PLEKHG1: variants seen among roughly 807,000 people sequenced by gnomAD.
The protein encoded by PLEKHG1 is pleckstrin homology and RhoGEF domain containing G1, also known as pleckstrin homology domain-containing family G member 1.
Under a neutral mutation model 100.8 loss-of-function variants are expected in PLEKHG1, and 44 were observed. The ratio of observed to expected loss-of-function variants is 0.44; its 90% CI spans 0.34 to 0.56. The LOEUF (loss-of-function observed/expected upper bound fraction) is 0.56, where lower values mean the gene tolerates loss of function less well. Ranked by LOEUF, PLEKHG1 falls within the 20% of genes least tolerant of loss-of-function variation. PLEKHG1 has a pLI of 0.01. For missense variants in PLEKHG1, 1,545 were observed against 1,720.9 expected (o/e 0.90, Z 1.81); for synonymous variants, 640 against 662.5 (o/e 0.97, Z 0.52).
At chr6:150,644,438 G>A (rs1480205034) in intron 2 of PLEKHG1, among the ~76,000 whole-genome samples, 1 of 148,318 alleles carries the variant, frequency 6.7e-6, no homozygotes, top group African/African-American at 2.5e-5. Context: ...GGGTTCAAGT[G>A]ATTTTCCTGC....
chr6:150,786,456 C>A, exon 4 of PLEKHG1: 1 of 1,606,770 alleles, frequency 6.2e-7, no homozygotes. Context: ...GTTTTGTGTC[C>A]AAGGTAAGCA....
intron 14 of PLEKHG1, chr6:150,828,348 C>CAA: frequency 1.2e-6 from 2 of 1,611,160 alleles, no homozygotes; most frequent in Non-Finnish European, 1.7e-6. Flanking sequence ...GGCGCTCTGT[C>CAA]CTCATGAAGA....
intron 10 of PLEKHG1, among the ~76,000 whole-genome samples, chr6:150,816,381 C>T (rs1349438446): frequency 1.9e-5 from 2 of 105,218 alleles, no homozygotes; most frequent in Non-Finnish European, 3.6e-5. Flanking sequence ...ATTCTGTTGC[C>T]TAGGCTGGAG....
chr6:150,647,342 T>C (rs547027773), intron 2 of PLEKHG1, among the ~76,000 whole-genome samples: 19 of 152,338 alleles, frequency 1.2e-4, no homozygotes, highest in African/African-American at 4.3e-4. Flanking sequence ...TGATCCACAG[T>C]TATTGTCAGG....
chr6:150,781,549 G>T (rs1785311972), intron 3 of PLEKHG1, among the ~76,000 whole-genome samples: 1 of 151,770 alleles, frequency 6.6e-6, no homozygotes. Context: ...ATTAGTTTCA[G>T]CCTCAAAGAG....
intron 3 of PLEKHG1, among the ~76,000 whole-genome samples, chr6:150,781,094 C>G (rs1010467664): frequency 6.6e-6 from 1 of 150,412 alleles, no homozygotes; most frequent in East Asian, 2.1e-4. Context: ...AGGCTGGTCT[C>G]GAACTCCTGA....
chr6:150,809,615 AGTT>A, intron 9 of PLEKHG1, 30 bp from the exon 11 acceptor site: 1 of 1,577,270 alleles, frequency 6.3e-7, no homozygotes, highest in Non-Finnish European at 8.7e-7. Context: ...GGTGGAATCA[AGTT>A]GTCTGACTGT....
chr6:150,817,842 G>A lies in PLEKHG1; in HGVS notation c.1279-341G>A, dbSNP rs145329900. On this transcript the variant is annotated intron_variant, in intron 10 of 15. Transcript: ENST00000358517. ...CTCCCAAAGTGCTGGGATTACAGGCGTGAGCTACCGCGCCCAGCCGAGAAT... is the reference window on the plus strand; with the variant it reads ...CTCCCAAAGTGCTGGGATTACAGGCATGAGCTACCGCGCCCAGCCGAGAAT... 3.1e-3 allele frequency among the ~76,000 whole-genome samples: 476 copies of A among 151,890 alleles called. 2 individuals are homozygous for A. The highest frequency in any genetic ancestry group is 0.011 in the African/African-American group (465 of 41,398).
At chr6:150,770,483 C>CTACCCACTGGAA (rs1422082501) in intron 3 of PLEKHG1, among the ~76,000 whole-genome samples, 1 of 152,136 alleles carries the variant, frequency 6.6e-6, no homozygotes, top group African/African-American at 2.4e-5. Flanking sequence ...TCAACCTGGG[C>CTACCCACTGGAA]TACCCACTGG....
chr6:150,764,306 A>G (rs1276624482), intron 2 of PLEKHG1, among the ~76,000 whole-genome samples: 3 of 151,844 alleles, frequency 2.0e-5, no homozygotes, highest in South Asian at 4.2e-4. Flanking sequence ...TTTAGTAGAG[A>G]TGGGGTTTCA....
At chr6:150,650,075 A>G (rs1282230219) in intron 2 of PLEKHG1, among the ~76,000 whole-genome samples, 1 of 143,948 alleles carries the variant, frequency 6.9e-6, no homozygotes, top group Non-Finnish European at 1.5e-5. Flanking sequence ...AAAAAAAAAG[A>G]AAGAAAAAAA....
intron 2 of PLEKHG1, among the ~76,000 whole-genome samples, chr6:150,745,947 A>G (rs2128625442): frequency 6.6e-6 from 1 of 152,276 alleles, no homozygotes; most frequent in East Asian, 1.9e-4. Context: ...AAAAAGATTA[A>G]AAGAATAGAG....
At chr6:150,812,730 G>A (rs1787604754) in intron 10 of PLEKHG1, among the ~76,000 whole-genome samples, 1 of 152,172 alleles carries the variant, frequency 6.6e-6, no homozygotes, top group South Asian at 2.1e-4. Flanking sequence ...CAGGGAAGGA[G>A]GAGGAAGGTG....
intron 3 of PLEKHG1, among the ~76,000 whole-genome samples, chr6:150,708,161 A>C (rs1781100963): frequency 6.6e-6 from 1 of 151,854 alleles, no homozygotes; most frequent in African/African-American, 2.4e-5. Context: ...GGCATATTAC[A>C]TCTCTTGGTT....
rs1179049726 is a variant in PLEKHG1 at position 150,804,199 on chromosome 6, TTTTTC to T, written c.781-410_781-406del. 4.0e-5 allele frequency among the ~76,000 whole-genome samples: 4 copies of T among 99,328 alleles called. 1 individual carries two copies. The highest frequency in any genetic ancestry group is 1.7e-4 in the African/African-American group (4 of 23,804). The allele number at this position is 99,328 out of a possible 152,430, so 65.2% of individuals were successfully genotyped here. ...TATTTTTTTTTTTTTTTTTTTTTTTTTTTTCGAGGCAGAGTCTCACTCTGTCAGCC... is the reference window on the plus strand; with the variant it reads ...TATTTTTTTTTTTTTTTTTTTTTTTTGAGGCAGAGTCTCACTCTGTCAGCC... On this transcript the variant is annotated intron_variant, in intron 6 of 15. Coordinates refer to ENST00000358517, the Ensembl canonical transcript of PLEKHG1.
At chr6:150,766,526 C>G (rs1012110017) in intron 2 of PLEKHG1, among the ~76,000 whole-genome samples, 1 of 152,220 alleles carries the variant, frequency 6.6e-6, no homozygotes, top group Non-Finnish European at 1.5e-5. Context: ...TGGGGGGGAA[C>G]AAGTTATGAC....
In PLEKHG1 at chr6:150,683,549, C is replaced by G. The variant is rs2128590040; in HGVS notation, c.-99+32763C>G. 1 of 271,630 alleles carries G rather than the reference C, an allele frequency of 3.7e-6. No individual in the cohort carries two copies. The highest frequency in any genetic ancestry group is 3.6e-5 in the South Asian group (1 of 27,424). 16.8% of individuals were successfully genotyped at this position (271,630 alleles called of 1,614,324 possible). ...CTGACCTCCCAGACAGGACATTACC[C>G]TTCTTCCTCTTCCTGACCACTGCTG... is the stretch of plus-strand genomic sequence containing the variant. On this transcript the variant is annotated intron_variant, in intron 3 of 3. Transcript: ENST00000367326. This position sits in a 1 kb window ranked among gnomAD's most constrained non-coding sequence, Gnocchi z 4.0.
intron 3 of PLEKHG1, among the ~76,000 whole-genome samples, chr6:150,781,811 A>G (rs1378878491): frequency 2.7e-5 from 4 of 148,886 alleles, no homozygotes; most frequent in Non-Finnish European, 4.5e-5. Flanking sequence ...TCACTGTGTC[A>G]CCCAGGCTGG....
At chr6:150,762,674 T>G (rs1784227164) in intron 2 of PLEKHG1, among the ~76,000 whole-genome samples, 1 of 152,180 alleles carries the variant, frequency 6.6e-6, no homozygotes, top group Non-Finnish European at 1.5e-5. Flanking sequence ...TAAGAGCTTT[T>G]GTATCCAGCC....
Sources: gnomAD v4.1 joint callset for allele counts (sites outside exome capture counted in the v4.1 genomes callset) on GRCh38, gnomAD v4.1.1 for gene constraint, Gnocchi (gnomAD v3.1) non-coding constraint, MANE v1.5 for transcripts, NCBI Gene and HGNC (gene_info 2026-07-23, HGNC 2026-07-21) for gene names.